DLGAP2: variants seen among roughly 807,000 people sequenced by gnomAD.
DLGAP2 encodes the protein disks large-associated protein 2.
A neutral mutation model predicts 100.3 loss-of-function variants in DLGAP2; 26 were observed. The observed-to-expected ratio is 0.26, with a 90% CI of 0.19 to 0.36. The LOEUF (loss-of-function observed/expected upper bound fraction) is 0.36. Ranked by LOEUF, DLGAP2 falls within the 10% of genes least tolerant of loss-of-function variation. DLGAP2 has a pLI of 1.00. For synonymous variants in DLGAP2, 886 were observed against 630.1 expected, an observed-to-expected ratio of 1.41 and a Z score of -6.08; for missense variants, 1,858 against 1,453.2, an observed-to-expected ratio of 1.28 and a Z score of -4.53.
chr8:878,006 A>T (rs982729599), intron 1 of DLGAP2, among the ~76,000 whole-genome samples: 1 of 152,176 alleles, frequency 6.6e-6, no homozygotes, highest in Non-Finnish European at 1.5e-5. Context: ...CTCTTGAAAG[A>T]TATTTCTTCA....
chr8:1,180,812 G>A (rs921459405), intron 2 of DLGAP2, among the ~76,000 whole-genome samples: 6 of 151,866 alleles, frequency 4.0e-5, no homozygotes, highest in Admixed American at 1.3e-4. Flanking sequence ...TACACTTACC[G>A]TTGAGTGTGT....
At chr8:1,509,941 G>T (rs527810190) in intron 4 of DLGAP2, among the ~76,000 whole-genome samples, 2 of 152,170 alleles carry the variant, frequency 1.3e-5, no homozygotes, top group Admixed American at 6.5e-5. Context: ...GGACGCGGCC[G>T]CGGAGAGGAG....
intron 2 of DLGAP2, among the ~76,000 whole-genome samples, chr8:1,249,240 A>C (rs912223538): frequency 6.6e-6 from 1 of 152,146 alleles, no homozygotes; most frequent in African/African-American, 2.4e-5. Context: ...AGCACATTTC[A>C]GAAGCAGAAT....
At chr8:1,465,443 C>T (rs1043059518) in intron 3 of DLGAP2, among the ~76,000 whole-genome samples, 25 of 149,122 alleles carry the variant, frequency 1.7e-4, no homozygotes, top group Admixed American at 8.7e-4. Flanking sequence ...AGGGAAGGGG[C>T]GTGGGGTTCC....
chr8:1,116,410 G>C (rs1295686501), intron 2 of DLGAP2, among the ~76,000 whole-genome samples: 1 of 152,232 alleles, frequency 6.6e-6, no homozygotes, highest in Non-Finnish European at 1.5e-5. Context: ...TTTGGTGCTA[G>C]ATAACCTTAC....
chr8:1,593,038 A>G (rs562476796), intron 6 of DLGAP2, among the ~76,000 whole-genome samples: 2 of 152,332 alleles, frequency 1.3e-5, no homozygotes, highest in South Asian at 4.1e-4. Context: ...ATACATTGCA[A>G]TAGTAAAAAT....
chr8:1,673,121 G>C (rs2130846387), intron 10 of DLGAP2, among the ~76,000 whole-genome samples: 1 of 152,256 alleles, frequency 6.6e-6, no homozygotes, highest in Middle Eastern at 3.4e-3. Context: ...AAAACTTTAA[G>C]AGATGAGGGC....
intron 2 of DLGAP2, among the ~76,000 whole-genome samples, chr8:1,094,611 T>C (rs909754850): frequency 6.6e-6 from 1 of 152,254 alleles, no homozygotes; most frequent in Non-Finnish European, 1.5e-5. Flanking sequence ...CTTGAATTCC[T>C]CGGCTCATCA....
At position 1,668,590 on chromosome 8, in the gene DLGAP2, G is replaced by A; in HGVS notation, c.2072G>A (p.Ser691Asn). The A allele has an allele frequency of 1.0e-5, 16 of 1,598,230 alleles. No homozygotes were observed. Among genetic ancestry groups the A allele is most frequent in the Non-Finnish European group, 1.4e-5 (16 of 1,173,280 alleles). ...CAGCGCCACCTGCCAGAGAGCCAGA[G>A]CAGCTCTGTGCGGACCAGCGACAAG... is the stretch of plus-strand genomic sequence containing the variant. ...AAQRHLPESQ[S>N]SSVRTSDKAI... is the part of the protein sequence containing the mutation. Residue 691 changes from serine to asparagine, a missense_variant, in exon 9 of 15, where the codon AGC becomes AAC. By Grantham distance (46) the Ser-to-Asn change is conservative. Transcript: ENST00000637795.
intron 2 of DLGAP2, among the ~76,000 whole-genome samples, chr8:1,243,013 A>G (rs1411488987): frequency 6.6e-6 from 1 of 152,182 alleles, no homozygotes; most frequent in African/African-American, 2.4e-5. Flanking sequence ...CTGGGGAGCC[A>G]TTCCTGACCA....
At chr8:1,697,052 G>A (rs903105442) in intron 13 of DLGAP2, 95 bp from the exon 14 acceptor site, 76 of 1,298,460 alleles carry the variant, frequency 5.9e-5, no homozygotes, top group South Asian at 1.2e-4. Flanking sequence ...TCCCTAATCC[G>A]CCTCTTGAAA....
intron 3 of DLGAP2, among the ~76,000 whole-genome samples, chr8:1,267,608 T>TAAAAC (rs1205109559): frequency 1.0e-5 from 1 of 99,038 alleles, no homozygotes; most frequent in African/African-American, 5.8e-5. Context: ...TAAGATAAGA[T>TAAAAC]AAGATAAGAT....
At chr8:1,648,259 G>A (rs904356632) in intron 8 of DLGAP2, among the ~76,000 whole-genome samples, 5 of 152,298 alleles carry the variant, frequency 3.3e-5, no homozygotes, top group African/African-American at 7.2e-5. Context: ...CCTTGGCATC[G>A]ACTTGAGCCT....
chr8:1,096,386 G>C (rs1295087983), intron 2 of DLGAP2, among the ~76,000 whole-genome samples: 1 of 152,258 alleles, frequency 6.6e-6, no homozygotes, highest in East Asian at 1.9e-4. Flanking sequence ...AAGAGCTTTA[G>C]GGACCAGTGT....
rs543432724 is a variant in DLGAP2 at position 1,548,882 on chromosome 8, G to C, written c.429G>C (p.Ser143=). 8.8e-6 allele frequency: 14 copies of C among 1,595,520 alleles called. No homozygotes were observed. The South Asian group carries it at 1.0e-4, about 11-fold the overall frequency. The change falls in exon 5 of 15, where the codon TCG becomes TCC. Residue 143 remains serine (S), a synonymous_variant. Transcript: ENST00000637795. ...HRCSPRSSVH[S]ECVMMPVVLG... is the part of the protein sequence containing the mutation. ...GCTCGCCGCGCAGCTCGGTGCACTC[G>C]GAGTGCGTGATGATGCCGGTGGTGC...
At chr8:1,346,488 C>G (rs1801559471) in intron 3 of DLGAP2, among the ~76,000 whole-genome samples, 1 of 150,754 alleles carries the variant, frequency 6.6e-6, no homozygotes, top group Admixed American at 6.6e-5. Context: ...CCATACACAT[C>G]TGCATTGCTC....
At chr8:1,046,169 A>G (rs1053991147) in intron 2 of DLGAP2, among the ~76,000 whole-genome samples, 3 of 152,196 alleles carry the variant, frequency 2.0e-5, no homozygotes, top group African/African-American at 7.2e-5. Context: ...ATATTTCTGA[A>G]GGCTAATGTG....
intron 3 of DLGAP2, among the ~76,000 whole-genome samples, chr8:1,278,149 A>G (rs796194320): frequency 3.3e-5 from 5 of 152,316 alleles, no homozygotes; most frequent in African/African-American, 9.6e-5. Flanking sequence ...TGCTCACGGA[A>G]GTCAGCAGAG....
intron 2 of DLGAP2, among the ~76,000 whole-genome samples, chr8:1,032,330 G>T (rs1801999294): frequency 6.6e-6 from 1 of 152,224 alleles, no homozygotes; most frequent in African/African-American, 2.4e-5. Context: ...TTGGTGCCCT[G>T]GGACAGTGCC....
Sources: allele counts gnomAD v4.1 joint callset (sites outside exome capture counted in the v4.1 genomes callset), GRCh38; gene constraint gnomAD v4.1.1; transcripts MANE v1.5; gene names NCBI Gene and HGNC (gene_info 2026-07-23, HGNC 2026-07-21).